Variants in SUMF1 observed in about 807,000 individuals in gnomAD.
The protein encoded by SUMF1 is formylglycine-generating enzyme.
SUMF1 carries 48 observed loss-of-function variants against 47.6 expected under a neutral mutation model. That is an observed-to-expected ratio of 1.01 (90% confidence interval 0.80 to 1.28). The LOEUF is 1.28. SUMF1 is among the 50% of genes most tolerant of loss of function. SUMF1 has a pLI of 0.00. For missense variants in SUMF1, 571 were observed against 485.4 expected, an observed-to-expected ratio of 1.18 and a Z score of -1.66; for synonymous variants, 230 against 192.1, an observed-to-expected ratio of 1.20 and a Z score of -1.63.
intron 8 of SUMF1, among the ~76,000 whole-genome samples, chr3:4,151,525 GTA>G (rs1694332353): frequency 1.6e-5 from 2 of 127,676 alleles, no homozygotes; most frequent in African/African-American, 6.0e-5. Context: ...ACGTATATAT[GTA>G]TATATGTGTA....
At chr3:4,055,156 G>C (rs1222182761) in intron 9 of SUMF1, among the ~76,000 whole-genome samples, 2 of 152,104 alleles carry the variant, frequency 1.3e-5, no homozygotes, top group Non-Finnish European at 2.9e-5. Context: ...CAGTGAAAAG[G>C]CGTTAAGAAT....
At chr3:4,251,459 C>A (rs1559613865) in intron 8 of SUMF1, among the ~76,000 whole-genome samples, 1 of 152,136 alleles carries the variant, frequency 6.6e-6, no homozygotes, top group Non-Finnish European at 1.5e-5. Flanking sequence ...AAAGCAGCAG[C>A]AGGGTTTGAG....
intron 7 of SUMF1, among the ~76,000 whole-genome samples, chr3:4,398,114 C>T (rs973235061): frequency 6.6e-6 from 1 of 152,090 alleles, no homozygotes; most frequent in African/African-American, 2.4e-5. Context: ...AAACTGCATG[C>T]TTTTAACCAT....
intron 8 of SUMF1, among the ~76,000 whole-genome samples, chr3:4,330,034 A>G (rs1181880220): frequency 2.0e-5 from 3 of 152,188 alleles, no homozygotes; most frequent in Non-Finnish European, 4.4e-5. Context: ...CTAATGTGTA[A>G]CAAGAGTTAC....
chr3:4,289,949 T>G (rs1390420069), intron 8 of SUMF1, among the ~76,000 whole-genome samples: 1 of 152,230 alleles, frequency 6.6e-6, no homozygotes, highest in African/African-American at 2.4e-5. Context: ...TCTTCCATAA[T>G]TGATTAAGTT....
At chr3:4,050,945 A>G (rs929009541) in intron 9 of SUMF1, among the ~76,000 whole-genome samples, 1 of 151,878 alleles carries the variant, frequency 6.6e-6, no homozygotes, top group Non-Finnish European at 1.5e-5. Context: ...TCCTCCAAAT[A>G]TATTAATAAG....
rs191377709 is a variant in SUMF1 at position 4,224,288 on chromosome 3, C to T, written c.1014+152042G>A. On this transcript the variant is annotated intron_variant and NMD_transcript_variant, in intron 8 of 12. Transcript: ENST00000448413. ...AGGGGAGAAAAAGGCAACAACTTATCCTTCAAAGTGTCAACAGATGGCCTA... is the reference window on the plus strand; with the variant it reads ...AGGGGAGAAAAAGGCAACAACTTATTCTTCAAAGTGTCAACAGATGGCCTA... Among the ~76,000 whole-genome samples, 517 of 152,176 alleles carry T rather than the reference C, an allele frequency of 3.4e-3. 4 individuals carry two copies. Among genetic ancestry groups the T allele is most frequent in the Non-Finnish European group, 4.0e-3 (271 of 68,006 alleles).
chr3:4,261,393 G>A (rs901524237), intron 8 of SUMF1, among the ~76,000 whole-genome samples: 1 of 152,098 alleles, frequency 6.6e-6, no homozygotes, highest in Non-Finnish European at 1.5e-5. Flanking sequence ...ATATGAAATC[G>A]GTCTACCTTG....
At chr3:4,367,627 C>G (rs2125194465) in intron 8 of SUMF1, among the ~76,000 whole-genome samples, 1 of 152,078 alleles carries the variant, frequency 6.6e-6, no homozygotes, top group South Asian at 2.1e-4. Context: ...GGTACTGGTA[C>G]CAAAACAGAG....
chr3:4,039,832 G>A (rs1027274417), intron 9 of SUMF1, among the ~76,000 whole-genome samples: 56 of 152,128 alleles, frequency 3.7e-4, no homozygotes, highest in African/African-American at 1.2e-3. Flanking sequence ...ACCAGCCTGG[G>A]CAATACAGTG....
chr3:4,442,661 A>G (rs562828631), intron 3 of SUMF1, among the ~76,000 whole-genome samples: 9 of 101,852 alleles, frequency 8.8e-5, no homozygotes, highest in South Asian at 5.8e-4. Flanking sequence ...AAGAGAGAGA[A>G]AAAGGAAAGA....
intron 8 of SUMF1, among the ~76,000 whole-genome samples, chr3:4,298,519 A>G (rs1697904347): frequency 6.6e-6 from 1 of 152,218 alleles, no homozygotes; most frequent in African/African-American, 2.4e-5. Flanking sequence ...GGATCCTTCA[A>G]AAAAATTTTC....
intron 8 of SUMF1, chr3:4,229,330 C>T: frequency 2.4e-6 from 1 of 413,564 alleles, no homozygotes; most frequent in South Asian, 1.7e-5. Context: ...CTCTGGTGAG[C>T]CTTTGATAAT....
chr3:4,197,984 G>A (rs143299518), intron 8 of SUMF1, among the ~76,000 whole-genome samples: 4 of 148,048 alleles, frequency 2.7e-5, no homozygotes, highest in East Asian at 2.0e-4. Flanking sequence ...AAATGTTCCC[G>A]AATAACAATG....
At chr3:4,121,541 A>G (rs1433866314) in intron 8 of SUMF1, among the ~76,000 whole-genome samples, 1 of 152,120 alleles carries the variant, frequency 6.6e-6, no homozygotes, top group African/African-American at 2.4e-5. Context: ...AAGAACCACC[A>G]TTGAGGCTCC....
At chr3:4,237,669 C>T (rs775260930) in intron 8 of SUMF1, among the ~76,000 whole-genome samples, 1 of 151,942 alleles carries the variant, frequency 6.6e-6, no homozygotes, top group Non-Finnish European at 1.5e-5. Context: ...ATGAATTGTG[C>T]CTTTTGTGTT....
Position 4,466,983 on chromosome 3 carries a change from T to G in SUMF1, c.263A>C (p.His88Pro), listed in dbSNP as rs768876680. 5.6e-6 allele frequency: 9 copies of G among 1,603,316 alleles called. No homozygotes were observed. Among genetic ancestry groups the G allele is most frequent in the Non-Finnish European group, 7.6e-6 (9 of 1,176,638 alleles). Residue 88 changes from histidine (H) to proline (P), a missense_variant, in exon 1 of 9, where the codon CAC (histidine) becomes CCC (proline). Transcript: ENST00000272902. ...GPVPGERQLAHSKMVPIPAGV... is the reference protein window; with the variant it reads ...GPVPGERQLAPSKMVPIPAGV... ...GAGGAATCGATGGAGCACCTTTGAGTGCGCGAGTTGCCGCTCTCCGGGTAC... is the reference window on the plus strand; with the variant it reads ...GAGGAATCGATGGAGCACCTTTGAGGGCGCGAGTTGCCGCTCTCCGGGTAC...
chr3:4,385,948 T>G (rs1214386681), intron 7 of SUMF1, among the ~76,000 whole-genome samples: 1 of 152,212 alleles, frequency 6.6e-6, no homozygotes, highest in Non-Finnish European at 1.5e-5. Context: ...CATATATGTG[T>G]GGGCCTATTT....
intron 8 of SUMF1, among the ~76,000 whole-genome samples, chr3:4,295,903 A>G (rs961423563): frequency 6.6e-6 from 1 of 152,214 alleles, no homozygotes; most frequent in African/African-American, 2.4e-5. Flanking sequence ...GGTTTCATGA[A>G]ACCATAATGC....
Sources: allele counts gnomAD v4.1 joint callset (sites outside exome capture counted in the v4.1 genomes callset), GRCh38; gene constraint gnomAD v4.1.1; transcripts MANE v1.5; gene names NCBI Gene and HGNC (gene_info 2026-07-23, HGNC 2026-07-21).